TYROBP: variants seen among roughly 807,000 people sequenced by gnomAD.
TYROBP encodes transmembrane immune signaling adaptor TYROBP.
TYROBP carries 14 observed loss-of-function variants against 17.1 expected under a neutral mutation model. That is an observed-to-expected ratio of 0.82 (90% CI 0.54 to 1.28). TYROBP has a LOEUF of 1.28. Among genes scored for constraint, TYROBP ranks in the 50% most tolerant of loss-of-function variants. TYROBP has a pLI of 0.00. For missense variants in TYROBP, 161 were observed against 151.4 expected (o/e 1.06, Z -0.33); for synonymous variants, 73 against 67.4 (o/e 1.08, Z -0.41).
intron 2 of TYROBP, 57 bp downstream of exon 2, chr19:35,907,673 A>T: frequency 6.2e-7 from 1 of 1,613,286 alleles, no homozygotes; most frequent in Non-Finnish European, 8.5e-7. Context: ...TGTGGGAGAG[A>T]CGGAGACAGG....
At position 35,907,252 on chromosome 19, in the gene TYROBP, T is replaced by C; in HGVS notation, c.242A>G (p.Lys81Arg). Residue 81 changes from lysine to arginine, a missense_variant, in exon 4 of 5, where the codon AAA becomes AGA. Lys to Arg is a conservative substitution (Grantham distance 26). Transcript: ENST00000262629. ...GRGAAEAATR[K>R]QRITETESPY... ...CGACTCGGTCTCAGTGATACGCTGT[T>C]TCCGGGTCGCTGCTGGAGGTGAGGG... 6.2e-7 allele frequency: 1 copy of C among 1,609,516 alleles called. No individual in the cohort carries two copies. The highest frequency in any genetic ancestry group is 8.5e-7 in the Non-Finnish European group (1 of 1,178,170).
At chr19:35,907,422 A>T (rs781498043) in intron 3 of TYROBP, 24 bp downstream of exon 3, 4 of 1,586,738 alleles carry the variant, frequency 2.5e-6, no homozygotes, top group South Asian at 2.2e-5. Context: ...AGTCCTCAGG[A>T]TGTCCCCTGC....
chr19:35,904,581 C>T lies in TYROBP; in HGVS notation c.330G>A (p.Pro110=), dbSNP rs770226921. 7.1e-5 allele frequency: 114 copies of T among 1,613,574 alleles called. No homozygotes were observed. The highest frequency in any genetic ancestry group is 8.6e-5 in the Non-Finnish European group (102 of 1,179,872). ...DVYSDLNTQR[P]YYK is the part of the protein sequence containing the mutation. ...TCATGATTCGGGCTCATTTGTAATA[C>T]GGCCTCTGTGTGTTGAGGTCGCTGT... Residue 110 remains proline (P), a synonymous_variant, in exon 5 of 5, where the codon CCG becomes CCA. Transcript: ENST00000262629.
In TYROBP at chr19:35,908,219, G is replaced by A. The variant is rs1313854903; in HGVS notation, c.10C>T (p.Leu4Phe). ...AGCAGGAGCCTGCTGCAGGGTTCAAGTCCCCCCATGAAGCCGGATGCTGCT... is the reference window on the plus strand; with the variant it reads ...AGCAGGAGCCTGCTGCAGGGTTCAAATCCCCCCATGAAGCCGGATGCTGCT... Reference protein sequence around the residue: MGGLEPCSRLLLLP... With the variant: MGGFEPCSRLLLLP... Residue 4 changes from leucine to phenylalanine, a missense_variant, in exon 1 of 5, where the codon CTT (leucine) becomes TTT (phenylalanine). Physicochemically the swap from Leu to Phe is conservative, Grantham distance 22 (BLOSUM62 0). Transcript: ENST00000262629. The A allele has an allele frequency of 6.2e-7, 1 of 1,613,980 alleles. No individual in the cohort carries two copies. The highest frequency in any genetic ancestry group is 1.1e-5 in the South Asian group (1 of 91,080).
chr19:35,905,422 G>T (rs554589565), intron 4 of TYROBP, among the ~76,000 whole-genome samples: 3 of 152,162 alleles, frequency 2.0e-5, no homozygotes, highest in Admixed American at 6.6e-5. Flanking sequence ...CAGGGGAGAG[G>T]TCTTAGAGAA....
At chr19:35,905,977 A>T (rs1975713625) in intron 4 of TYROBP, among the ~76,000 whole-genome samples, 1 of 151,354 alleles carries the variant, frequency 6.6e-6, no homozygotes, top group South Asian at 2.1e-4. Context: ...ATTAAAGTAG[A>T]GAAAGAAAAA....
rs116987202 is a variant in TYROBP, at chr19:35,907,691, C to T, written c.94+39G>A. The T allele has an allele frequency of 0.015, 24,872 of 1,613,822 alleles. 312 individuals carry two copies. Among genetic ancestry groups the T allele is most frequent in the Non-Finnish European group, 0.016 (19,312 of 1,179,860 alleles). On this transcript the variant is annotated intron_variant, in intron 2 of 4. Transcript: ENST00000262629. Reference sequence around the variant, plus strand: ...GGGAGAGACGGAGACAGGGAGGTCTCTGGGAGGTAGAGAGAGGGACTGCTG... The same window carrying T: ...GGGAGAGACGGAGACAGGGAGGTCTTTGGGAGGTAGAGAGAGGGACTGCTG...
At chr19:35,904,775 T>G (rs1254594012) in intron 4 of TYROBP, 141 bp from the exon 5 acceptor site, 2 of 743,682 alleles carry the variant, frequency 2.7e-6, no homozygotes, top group East Asian at 2.7e-5. Context: ...ACATTCAATG[T>G]TCCCCCTTCT....
intron 1 of TYROBP, 56 bp downstream of exon 1, chr19:35,908,112 C>T: frequency 6.6e-6 from 10 of 1,517,180 alleles, no homozygotes; most frequent in Non-Finnish European, 9.1e-6. Flanking sequence ...ACTCCCTGCC[C>T]TGCCCCAAGC....
At position 35,907,255 on chromosome 19, in the gene TYROBP, C is replaced by A. The variant is rs780380872; in HGVS notation, c.239G>T (p.Arg80Leu). 1 of 1,609,394 alleles carries A rather than the reference C, an allele frequency of 6.2e-7. No homozygotes were observed. The highest frequency in any genetic ancestry group is 8.5e-7 in the Non-Finnish European group (1 of 1,178,188). Residue 80 changes from arginine (R) to leucine (L), a missense_variant, in exon 4 of 5, where the codon CGG becomes CTG. Physicochemically the swap from Arg to Leu is moderately radical, Grantham distance 102. Coordinates refer to ENST00000262629, the MANE Select transcript of TYROBP (RefSeq NM_003332.4). ...CTCGGTCTCAGTGATACGCTGTTTCCGGGTCGCTGCTGGAGGTGAGGGGTG... is the reference window on the plus strand; with the variant it reads ...CTCGGTCTCAGTGATACGCTGTTTCAGGGTCGCTGCTGGAGGTGAGGGGTG... ...RGRGAAEAAT[R>L]KQRITETESP...
chr19:35,907,510 C>A lies in TYROBP; in HGVS notation c.165G>T (p.Val55=). ...GIVMGDLVLT[V]LIALAVYFLG... ...GGAAGTACACGGCCAGGGCAATGAG[C>A]ACTGTCAGCACCAGGTCTCCCATCA... Residue 55 remains valine, a synonymous_variant, in exon 3 of 5, where the codon GTG becomes GTT. Coordinates refer to ENST00000262629, the MANE Select transcript of TYROBP (RefSeq NM_003332.4). 2 of 1,613,704 alleles carry A rather than the reference C, an allele frequency of 1.2e-6. No homozygotes were observed. Among genetic ancestry groups the A allele is most frequent in the Admixed American group, 1.7e-5 (1 of 59,992 alleles).
At chr19:35,907,180 A>C in intron 4 of TYROBP, 38 bp downstream of exon 4, 1 of 1,572,890 alleles carries the variant, frequency 6.4e-7, no homozygotes, top group Non-Finnish European at 8.7e-7. Context: ...TATCCCTGGC[A>C]GGAGTGAAAT....
At chr19:35,907,184 G>A (rs1381643879) in intron 4 of TYROBP, 34 bp downstream of exon 4, 17 of 1,580,644 alleles carry the variant, frequency 1.1e-5, no homozygotes, top group East Asian at 2.3e-5. Flanking sequence ...CCTGGCAGGA[G>A]TGAAATGTGA....
intron 4 of TYROBP, 103 bp from the exon 5 acceptor site, chr19:35,904,737 A>G (rs1171680546): frequency 6.0e-6 from 6 of 1,003,998 alleles, no homozygotes; most frequent in Admixed American, 2.1e-5. Context: ...CCTTATAGCC[A>G]TGAAAGAGAT....
chr19:35,907,372 G>A, intron 3 of TYROBP, 74 bp downstream of exon 3: 1 of 1,604,570 alleles, frequency 6.2e-7, no homozygotes. Context: ...GGATGTTTGA[G>A]ATCTGGGAGT....
At chr19:35,905,027 A>C (rs540878972) in intron 4 of TYROBP, among the ~76,000 whole-genome samples, 1 of 150,834 alleles carries the variant, frequency 6.6e-6, no homozygotes, top group South Asian at 2.1e-4. Context: ...TTATTTGTTC[A>C]TTTGCTTTAA....
In TYROBP at chr19:35,904,419, T is replaced by A. The variant is rs571005378; in HGVS notation, c.*150A>T. 5.7e-6 allele frequency: 5 copies of A among 884,338 alleles called. No homozygotes were observed. Among genetic ancestry groups the A allele is most frequent in the Non-Finnish European group, 9.1e-6 (5 of 546,984 alleles). 54.8% of individuals were successfully genotyped at this position (884,338 alleles called of 1,614,324 possible). A position where few individuals can be genotyped will look rare whatever the true frequency, so the allele number is the denominator to read the frequency against. On this transcript the variant is annotated 3_prime_UTR_variant, in exon 5 of 5. Transcript: ENST00000262629. ...GGCATAATGTTTTTGTGCTTCATGT[T>A]TATTTTAGGAGAGTATTGGGGAGCG...
At position 35,904,622 on chromosome 19, in the gene TYROBP, G is replaced by C. The variant is rs530939080; in HGVS notation, c.289C>G (p.Gln97Glu). The C allele has an allele frequency of 6.2e-7, 1 of 1,613,084 alleles. No individual in the cohort carries two copies. Among genetic ancestry groups the C allele is most frequent in the South Asian group, 1.1e-5 (1 of 90,744 alleles). The stretch of plus-strand genomic sequence containing the variant: ...AGGTCGCTGTAGACATCCGACCTCT[G>C]ACCCTGGAGCTCCTAAAGGAATGGG... Reference protein sequence around the residue: ...TESPYQELQGQRSDVYSDLNT... With the variant: ...TESPYQELQGERSDVYSDLNT... Residue 97 changes from glutamine (Q) to glutamate (E), a missense_variant, in exon 5 of 5, where the codon CAG (glutamine) becomes GAG (glutamate). By Grantham distance (29) the Gln-to-Glu change is conservative. Coordinates refer to ENST00000262629, the MANE Select transcript of TYROBP (RefSeq NM_003332.4).
chr19:35,906,119 CT>C (rs533744083), intron 4 of TYROBP, among the ~76,000 whole-genome samples: 5,036 of 140,220 alleles, frequency 0.036, 227 homozygotes, highest in African/African-American at 0.11. Flanking sequence ...AGACCCCTGT[CT>C]TTTTTTTTTT....
Sources: allele counts gnomAD v4.1 joint callset (sites outside exome capture counted in the v4.1 genomes callset), GRCh38; gene constraint gnomAD v4.1.1; transcripts MANE v1.5; gene names NCBI Gene and HGNC (gene_info 2026-07-23, HGNC 2026-07-21).